Variants in ELF1 observed in about 807,000 individuals in gnomAD.
The protein encoded by ELF1 is ETS-related transcription factor Elf-1.
A neutral mutation model predicts 59.9 loss-of-function variants in ELF1; 24 were observed. The ratio of observed to expected loss-of-function variants is 0.40; its 90% CI spans 0.29 to 0.56. The LOEUF (loss-of-function observed/expected upper bound fraction) is 0.56, where lower values mean the gene tolerates loss of function less well. Ranked by LOEUF, ELF1 falls within the 20% of genes least tolerant of loss-of-function variation. The pLI is 0.44. For missense variants in ELF1, 627 were observed against 742.2 expected, an observed-to-expected ratio of 0.84 and a Z score of 1.80; for synonymous variants, 248 against 266.2, an observed-to-expected ratio of 0.93 and a Z score of 0.67.
intron 2 of ELF1, among the ~76,000 whole-genome samples, chr13:40,972,260 G>A (rs1340577237): frequency 6.6e-6 from 1 of 152,162 alleles, no homozygotes; most frequent in Non-Finnish European, 1.5e-5. Flanking sequence ...CCTGCTCATA[G>A]GTATGGGAGA....
chr13:40,962,328 G>A (rs1041940966), intron 2 of ELF1, among the ~76,000 whole-genome samples: 2 of 151,966 alleles, frequency 1.3e-5, no homozygotes, highest in Non-Finnish European at 2.9e-5. Flanking sequence ...AGAAAAAAAC[G>A]TTTCCTTTGA....
intron 8 of ELF1, 151 bp from the exon 9 acceptor site, chr13:40,934,179 C>A: frequency 9.5e-7 from 1 of 1,054,272 alleles, no homozygotes. Context: ...AATATCATGC[C>A]AGACTTTGTA....
intron 1 of ELF1, among the ~76,000 whole-genome samples, chr13:41,060,372 CG>C (rs1258455909): frequency 6.6e-6 from 1 of 152,098 alleles, no homozygotes; most frequent in African/African-American, 2.4e-5. Context: ...GTGGGCCGGA[CG>C]GGGGCGCTGG....
At chr13:41,036,885 A>C (rs1194287338) in intron 1 of ELF1, among the ~76,000 whole-genome samples, 1 of 150,708 alleles carries the variant, frequency 6.6e-6, no homozygotes, top group Non-Finnish European at 1.5e-5. Flanking sequence ...GTTCTCACTC[A>C]TAGGTGGGAA....
intron 2 of ELF1, among the ~76,000 whole-genome samples, chr13:40,961,355 A>G (rs1871806275): frequency 6.6e-6 from 1 of 152,186 alleles, no homozygotes; most frequent in Non-Finnish European, 1.5e-5. Context: ...TTCAAATAGT[A>G]AAACAAATTT....
chr13:40,933,280 TCATCTAA>T lies in ELF1; in HGVS notation c.*138_*144del. The stretch of plus-strand genomic sequence containing the variant: ...AGAGAAACAGTTGAGTTTTCCTCCC[TCATCTAA>T]CAAAGTCAAAATTAACTCTATTTTT... On this transcript the variant is annotated 3_prime_UTR_variant, in exon 9 of 9. Transcript: ENST00000239882. 9.5e-7 allele frequency: 1 copy of T among 1,055,566 alleles called. No individual in the cohort carries two copies. The highest frequency in any genetic ancestry group is 1.3e-6 in the Non-Finnish European group (1 of 758,934). The allele number at this position is 1,055,566 out of a possible 1,614,324, so 65.4% of individuals were successfully genotyped here.
Position 40,947,888 on chromosome 13 carries a change from G to T in ELF1, c.529+1918C>A, listed in dbSNP as rs192724018. 5.7e-3 allele frequency among the ~76,000 whole-genome samples: 873 copies of T among 152,300 alleles called. 8 individuals carry two copies. The highest frequency in any genetic ancestry group is 0.014 in the South Asian group (69 of 4,828). On this transcript the variant is annotated intron_variant, in intron 5 of 8. Transcript: ENST00000239882. Reference sequence around the variant, plus strand: ...GAAACTTTACATAGTATGATTAGAGGTTTTAAAGCAAAAGAACAAAAACAT... The same window carrying T: ...GAAACTTTACATAGTATGATTAGAGTTTTTAAAGCAAAAGAACAAAAACAT...
At chr13:41,014,029 C>A (rs1304473584) in intron 1 of ELF1, among the ~76,000 whole-genome samples, 1 of 152,082 alleles carries the variant, frequency 6.6e-6, no homozygotes, top group African/African-American at 2.4e-5. Flanking sequence ...GTAGATACTG[C>A]AGCATGTAAA....
chr13:41,037,106 A>T lies in ELF1; in HGVS notation c.-229+23732T>A, dbSNP rs202211617. ...TACCCTAGAACTTAAAGTATAATAA[A>T]ATATATATATATATTAAAAAAAACC... On this transcript the variant is annotated intron_variant, in intron 1 of 1. Coordinates refer to the ELF1 transcript ENST00000405737. Among the ~76,000 whole-genome samples, 94 of 151,100 alleles carry T rather than the reference A, an allele frequency of 6.2e-4. 1 individual carries two copies. The East Asian group carries it at 0.013, about 21-fold the overall frequency.
intron 1 of ELF1, among the ~76,000 whole-genome samples, chr13:41,026,157 T>A (rs1875895569): frequency 6.6e-6 from 1 of 152,180 alleles, no homozygotes; most frequent in South Asian, 2.1e-4. Context: ...ACATAGCATG[T>A]CAGAGGTTGG....
Position 40,932,032 on chromosome 13 carries a change from A to G in ELF1, c.*1393T>C, listed in dbSNP as rs1453568026. 3 of 152,210 alleles carry G rather than the reference A, an allele frequency of 2.0e-5. No homozygotes were observed. The highest frequency in any genetic ancestry group is 2.1e-4 in the South Asian group (1 of 4,828). 9.4% of individuals were successfully genotyped at this position (152,210 alleles called of 1,614,324 possible). A position where few individuals can be genotyped will look rare whatever the true frequency, so the allele number is the denominator to read the frequency against. ...CTTTTGCCTGAAAACAGACACTGAG[A>G]ATTTTTATATGATTTATTTAATAAT... On this transcript the variant is annotated 3_prime_UTR_variant, in exon 9 of 9. Transcript: ENST00000239882.
intron 1 of ELF1, among the ~76,000 whole-genome samples, chr13:41,025,737 C>T (rs1334759471): frequency 6.6e-6 from 1 of 152,144 alleles, no homozygotes; most frequent in African/African-American, 2.4e-5. Flanking sequence ...GATAAATAAA[C>T]CCTATTCGGC....
intron 1 of ELF1, among the ~76,000 whole-genome samples, chr13:41,025,419 C>CTA (rs1875853666): frequency 6.6e-6 from 1 of 152,204 alleles, no homozygotes; most frequent in Non-Finnish European, 1.5e-5. Context: ...CTTAGAGACA[C>CTA]TTTATCCAGT....
At chr13:40,965,908 G>A (rs1349452406) in intron 2 of ELF1, among the ~76,000 whole-genome samples, 1 of 152,156 alleles carries the variant, frequency 6.6e-6, no homozygotes, top group East Asian at 1.9e-4. Context: ...CAGACTATCT[G>A]GGGGTGTGAC....
chr13:41,039,195 A>T (rs946976916), intron 1 of ELF1, among the ~76,000 whole-genome samples: 3 of 151,860 alleles, frequency 2.0e-5, no homozygotes, highest in Middle Eastern at 3.2e-3. Flanking sequence ...AGCCCAAGAG[A>T]TTGAGACCAG....
chr13:40,955,323 T>C (rs1323540102), intron 3 of ELF1, among the ~76,000 whole-genome samples: 1 of 124,090 alleles, frequency 8.1e-6, no homozygotes, highest in Non-Finnish European at 1.7e-5. Context: ...GGAAGGGAGG[T>C]GGGGGGGTTA....
In ELF1 at chr13:40,966,978, C is replaced by A. The variant is rs1013885386; in HGVS notation, c.73-7962G>T. 4.6e-5 allele frequency among the ~76,000 whole-genome samples: 7 copies of A among 152,316 alleles called. No homozygotes were observed. In the East Asian group the frequency reaches 1.3e-3, roughly 29 times the overall value. ...ACACCAAGAGGGGTCTGGTGCCTTA[C>A]TCCTCCCACAGTCTTCAACAGCTCC... On this transcript the variant is annotated intron_variant, in intron 2 of 8. Transcript: ENST00000239882.
At position 40,964,298 on chromosome 13, in the gene ELF1, G is replaced by A. The variant is rs577333640; in HGVS notation, c.73-5282C>T. On this transcript the variant is annotated intron_variant, in intron 2 of 8. Transcript: ENST00000239882. Reference sequence around the variant, plus strand: ...GGACTTATATTAGTTTGCTACGGCTGCTGCAACAAAGTACTACAAACTGGG... The same window carrying A: ...GGACTTATATTAGTTTGCTACGGCTACTGCAACAAAGTACTACAAACTGGG... Among the ~76,000 whole-genome samples the A allele has an allele frequency of 2.0e-5, 3 of 152,312 alleles. No individual in the cohort carries two copies. The East Asian group carries it at 5.8e-4, about 29-fold the overall frequency.
chr13:40,970,574 T>C (rs1305253158), intron 2 of ELF1, among the ~76,000 whole-genome samples: 3 of 152,244 alleles, frequency 2.0e-5, no homozygotes, highest in Non-Finnish European at 4.4e-5. Flanking sequence ...TTTCTTGGCA[T>C]GGAGGTTAAC....
Sources: gnomAD v4.1 joint callset for allele counts (sites outside exome capture counted in the v4.1 genomes callset) on GRCh38, gnomAD v4.1.1 for gene constraint, MANE v1.5 for transcripts, NCBI Gene and HGNC (gene_info 2026-07-23, HGNC 2026-07-21) for gene names.